The following RFTN2 variants were observed in gnomAD, a reference collection of about 807,000 sequenced individuals.
The protein encoded by RFTN2 is raftlin family member 2.
Under a neutral mutation model 52.7 loss-of-function variants are expected in RFTN2, and 34 were observed. The ratio of observed to expected loss-of-function variants is 0.64; its 90% CI spans 0.49 to 0.86. The LOEUF is 0.86. RFTN2 is among the 40% of genes least tolerant of loss of function. The pLI, the probability that RFTN2 is intolerant of heterozygous loss-of-function variation, is 0.00. For synonymous variants in RFTN2, 203 were observed against 217.7 expected (o/e 0.93, Z 0.59); for missense variants, 536 against 600.1 (o/e 0.89, Z 1.12).
intron 7 of RFTN2, among the ~76,000 whole-genome samples, chr2:197,613,408 G>C (rs2088095235): frequency 6.6e-6 from 1 of 152,168 alleles, no homozygotes; most frequent in Non-Finnish European, 1.5e-5. Context: ...AAATCATACA[G>C]CTAAACAATG....
chr2:197,573,627 G>A (rs964355805), intron 8 of RFTN2, among the ~76,000 whole-genome samples: 1 of 152,258 alleles, frequency 6.6e-6, no homozygotes, highest in African/African-American at 2.4e-5. Context: ...TAAGCTGGCT[G>A]CAGAAATTTG....
chr2:197,652,513 C>A (rs1362875861), intron 1 of RFTN2, among the ~76,000 whole-genome samples: 3 of 152,006 alleles, frequency 2.0e-5, no homozygotes, highest in Non-Finnish European at 4.4e-5. Flanking sequence ...ACTTAATTTC[C>A]TTTTCTTATG....
intron 8 of RFTN2, among the ~76,000 whole-genome samples, chr2:197,594,987 G>C (rs1043885998): frequency 1.3e-5 from 2 of 152,128 alleles, no homozygotes; most frequent in African/African-American, 4.8e-5. Flanking sequence ...TCTTGATTTA[G>C]ATACAGAAAA....
At chr2:197,627,339 T>A (rs1336651099) in intron 5 of RFTN2, among the ~76,000 whole-genome samples, 1 of 152,214 alleles carries the variant, frequency 6.6e-6, no homozygotes, top group Non-Finnish European at 1.5e-5. Flanking sequence ...ATATCCTCTA[T>A]GGTCATGTTA....
At chr2:197,674,452 A>G (rs1281473893) in intron 1 of RFTN2, among the ~76,000 whole-genome samples, 1 of 151,790 alleles carries the variant, frequency 6.6e-6, no homozygotes, top group Non-Finnish European at 1.5e-5. Flanking sequence ...GTGAATTGAT[A>G]AAATGTGTGG....
At chr2:197,599,679 G>C (rs1397019982) in intron 7 of RFTN2, among the ~76,000 whole-genome samples, 1 of 152,054 alleles carries the variant, frequency 6.6e-6, no homozygotes, top group Non-Finnish European at 1.5e-5. Flanking sequence ...CTCTGCCAGC[G>C]TTCTACTTGA....
At chr2:197,615,536 A>G (rs1218706569) in intron 7 of RFTN2, among the ~76,000 whole-genome samples, 1 of 152,154 alleles carries the variant, frequency 6.6e-6, no homozygotes, top group East Asian at 1.9e-4. Flanking sequence ...GGAAACAGCT[A>G]CCAAGTCCAT....
At chr2:197,574,556 G>A (rs1009001414) in intron 8 of RFTN2, among the ~76,000 whole-genome samples, 18 of 152,108 alleles carry the variant, frequency 1.2e-4, no homozygotes, top group Non-Finnish European at 1.9e-4. Flanking sequence ...GTGGACTTTT[G>A]AGTTAATGCT....
At chr2:197,627,130 A>G (rs1369682363) in intron 5 of RFTN2, among the ~76,000 whole-genome samples, 3 of 152,180 alleles carry the variant, frequency 2.0e-5, no homozygotes, top group Non-Finnish European at 4.4e-5. Context: ...CCAGAAACAC[A>G]GACCTTTTCC....
Position 197,672,001 on chromosome 2 carries a change from C to T in RFTN2, c.139+3319G>A, listed in dbSNP as rs572752599. Among the ~76,000 whole-genome samples the T allele has an allele frequency of 4.6e-5, 7 of 152,234 alleles. No homozygotes were observed. In the South Asian group the frequency reaches 1.5e-3, roughly 32 times the overall value. ...CATACTCATATACATACATCATATG[C>T]TCTCATAAACACATATAAATGGATA... On this transcript the variant is annotated intron_variant, in intron 1 of 8. Transcript: ENST00000295049.
At chr2:197,655,822 CA>C (rs988127559) in intron 1 of RFTN2, among the ~76,000 whole-genome samples, 1 of 149,072 alleles carries the variant, frequency 6.7e-6, no homozygotes, top group African/African-American at 2.5e-5. Context: ...GACTCCGTCT[CA>C]AAAAAAAACA....
In RFTN2 at chr2:197,631,292, A is replaced by G. The variant is rs551005601; in HGVS notation, c.719-72T>C. The G allele has an allele frequency of 7.6e-6, 8 of 1,057,310 alleles. No homozygotes were observed. In the East Asian group the frequency reaches 1.7e-4, roughly 22 times the overall value. 65.5% of individuals were successfully genotyped at this position (1,057,310 alleles called of 1,614,324 possible). ...ATCAAAGATTCTTAATTTTTTCACT[A>G]ATCATGAGATATTCCAAGCATACAA... is the stretch of plus-strand genomic sequence containing the variant. On this transcript the variant is annotated intron_variant, in intron 4 of 8. Transcript: ENST00000295049.
At chr2:197,624,796 A>C (rs1158826162) in intron 5 of RFTN2, among the ~76,000 whole-genome samples, 1 of 151,780 alleles carries the variant, frequency 6.6e-6, no homozygotes, top group East Asian at 1.9e-4. Context: ...TCCTGTCTCT[A>C]AAAAAATAGC....
At chr2:197,612,278 C>G (rs928710994) in intron 7 of RFTN2, among the ~76,000 whole-genome samples, 5 of 152,054 alleles carry the variant, frequency 3.3e-5, no homozygotes, top group Non-Finnish European at 7.4e-5. Context: ...TCTCTCACCC[C>G]CTCCCTTACC....
chr2:197,670,129 T>C (rs1574758364), intron 1 of RFTN2, among the ~76,000 whole-genome samples: 1 of 152,206 alleles, frequency 6.6e-6, no homozygotes. Context: ...TGGCCTGTGG[T>C]CTGTTTTGTT....
At chr2:197,598,827 T>C (rs2087832185) in intron 7 of RFTN2, among the ~76,000 whole-genome samples, 1 of 152,228 alleles carries the variant, frequency 6.6e-6, no homozygotes, top group South Asian at 2.1e-4. Context: ...CTTGCTACTA[T>C]CAAAGGCATT....
chr2:197,615,480 T>G (rs1487801288), intron 7 of RFTN2, among the ~76,000 whole-genome samples: 1 of 152,236 alleles, frequency 6.6e-6, no homozygotes, highest in African/African-American at 2.4e-5. Context: ...AAGTTAGTAC[T>G]TACAAAATAT....
At chr2:197,603,395 G>C (rs2087910132) in intron 7 of RFTN2, among the ~76,000 whole-genome samples, 2 of 152,310 alleles carry the variant, frequency 1.3e-5, no homozygotes, top group East Asian at 3.9e-4. Context: ...CACAGAATTA[G>C]TGAAGATAAT....
intron 8 of RFTN2, among the ~76,000 whole-genome samples, chr2:197,581,053 T>C (rs4850799): frequency 1 from 151,434 of 152,188 alleles, 75,343 homozygotes; most frequent in Middle Eastern, 1. Context: ...ATCACACACT[T>C]GTTACTATCC....
Sources: gnomAD v4.1 joint callset for allele counts (sites outside exome capture counted in the v4.1 genomes callset) on GRCh38, gnomAD v4.1.1 for gene constraint, MANE v1.5 for transcripts, NCBI Gene and HGNC (gene_info 2026-07-23, HGNC 2026-07-21) for gene names.